Variants in KRT10 observed in about 807,000 individuals in gnomAD.
KRT10 encodes the protein keratin 10, also known as keratin, type I cytoskeletal 10.
Under a neutral mutation model 59.2 loss-of-function variants are expected in KRT10, and 40 were observed. The observed-to-expected ratio is 0.68, with a 90% CI of 0.52 to 0.88. The LOEUF (loss-of-function observed/expected upper bound fraction) is 0.88, where lower values mean the gene tolerates loss of function less well. KRT10 is among the 40% of genes least tolerant of loss of function. The pLI is 0.00. For synonymous variants in KRT10, 336 were observed against 310.7 expected (o/e 1.08, Z -0.86); for missense variants, 719 against 749.1 (o/e 0.96, Z 0.47).
intron 5 of KRT10, 79 bp downstream of exon 5, chr17:40,819,970 T>C: frequency 6.5e-7 from 1 of 1,539,132 alleles, no homozygotes; most frequent in East Asian, 2.2e-5. Context: ...TCTGCATTTT[T>C]TTGTTGCATT....
rs747237640 is a variant in KRT10 at position 40,818,843 on chromosome 17, T to C, written c.1692A>G (p.Gly564=). ...ACCCGGAAGAGGAGGACTTGTGGCCTCCGCTGGAGCTGCCGCCGCCGTATC... is the reference window on the plus strand; with the variant it reads ...ACCCGGAAGAGGAGGACTTGTGGCCCCCGCTGGAGCTGCCGCCGCCGTATC... ...GGGYGGGSSS[G]GHKSSSSGSV... The change falls in exon 7 of 8, where the codon GGA becomes GGG. Residue 564 remains glycine, a synonymous_variant. Coordinates refer to ENST00000269576, the MANE Select transcript of KRT10 (RefSeq NM_000421.5). The C allele has an allele frequency of 8.4e-7, 1 of 1,184,076 alleles. No individual in the cohort carries two copies. The highest frequency in any genetic ancestry group is 1.1e-6 in the Non-Finnish European group (1 of 891,428). The allele number at this position is 1,184,076 out of a possible 1,614,324, so 73.3% of individuals were successfully genotyped here. A position where few individuals can be genotyped will look rare whatever the true frequency, so the allele number is the denominator to read the frequency against.
Position 40,818,947 on chromosome 17 carries a change from A to G in KRT10, c.1588T>C (p.Tyr530His), listed in dbSNP as rs756380270. The change falls in exon 7 of 8, where the codon TAC becomes CAC. Residue 530 changes from tyrosine (Y) to histidine (H), a missense_variant. Physicochemically the swap from Tyr to His is moderately conservative, Grantham distance 83. This residue lies in a region of KRT10 where 315 missense variants were observed against 270.6 expected (regional missense o/e 1.16). Transcript: ENST00000269576. ...CCGCCGCCGGAACTGCCACCACCGT[A>G]GCCGCCGCTGGAACTGCCGCCGTGG... Reference protein sequence around the residue: ...GGHGGSSSGGYGGGSSGGGGG... With the variant: ...GGHGGSSSGGHGGGSSGGGGG... The G allele has an allele frequency of 4.7e-6, 6 of 1,269,874 alleles. No homozygotes were observed. In the South Asian group the frequency reaches 5.2e-5, roughly 11 times the overall value. 78.7% of individuals were successfully genotyped at this position (1,269,874 alleles called of 1,614,324 possible). A position where few individuals can be genotyped will look rare whatever the true frequency, so the allele number is the denominator to read the frequency against.
chr17:40,821,989 G>C lies in KRT10; in HGVS notation c.597C>G (p.Tyr199Ter). 1.2e-6 allele frequency: 2 copies of C among 1,614,076 alleles called. No homozygotes were observed. Among genetic ancestry groups the C allele is most frequent in the Non-Finnish European group, 1.7e-6 (2 of 1,179,978 alleles). Residue 199 changes from tyrosine to a stop codon, truncating the protein, a stop_gained, in exon 1 of 8, where the codon TAC (tyrosine) becomes TAG (stop). Coordinates refer to ENST00000269576, the MANE Select transcript of KRT10 (RefSeq NM_000421.5). LOFTEE classifies it high-confidence loss of function. Reference sequence around the variant, plus strand: ...TTTTAAGGTCATCGATGGTTTTGTAGTATTTGCTGTAGTCACGAGGCTCCC... The same window carrying C: ...TTTTAAGGTCATCGATGGTTTTGTACTATTTGCTGTAGTCACGAGGCTCCC... ...HQGEPRDYSK[Y>*]YKTIDDLKNQ...
intron 1 of KRT10, among the ~76,000 whole-genome samples, chr17:40,821,609 C>T (rs1022706936): frequency 2.6e-5 from 4 of 152,114 alleles, no homozygotes; most frequent in Non-Finnish European, 4.4e-5. Context: ...GGCTTGTTAT[C>T]AGTCTGAATA....
rs200567513 is a variant in KRT10 at position 40,822,424 on chromosome 17, A to G, written c.162T>C (p.Gly54=). ...GGGFSSGGFS[G]GSFSRGSSGG... ...CAGAGCTCCCACGGCTAAAAGAGCCACCACTGAACCCCCCTGAGCTAAATC... is the reference window on the plus strand; with the variant it reads ...CAGAGCTCCCACGGCTAAAAGAGCCGCCACTGAACCCCCCTGAGCTAAATC... Residue 54 remains glycine (G), a synonymous_variant, in exon 1 of 8, where the codon GGT becomes GGC. Transcript: ENST00000269576. The G allele has an allele frequency of 6.2e-7, 1 of 1,613,702 alleles. No individual in the cohort carries two copies. Among genetic ancestry groups the G allele is most frequent in the African/African-American group, 1.3e-5 (1 of 74,962 alleles).
Position 40,818,972 on chromosome 17 carries a change from G to A in KRT10, c.1563C>T (p.Gly521=), listed in dbSNP as rs1257753542. 2.8e-5 allele frequency: 39 copies of A among 1,379,010 alleles called. No homozygotes were observed. Among genetic ancestry groups the A allele is most frequent in the Non-Finnish European group, 2.8e-6 (3 of 1,067,266 alleles). 85.4% of individuals were successfully genotyped at this position (1,379,010 alleles called of 1,614,324 possible). Residue 521 remains glycine, a synonymous_variant, in exon 7 of 8, where the codon GGC becomes GGT. Transcript: ENST00000269576. Reference sequence around the variant, plus strand: ...AGCCGCCGCTGGAACTGCCGCCGTGGCCGCCGCTGGAGCTTCCGCCCCCGT... The same window carrying A: ...AGCCGCCGCTGGAACTGCCGCCGTGACCGCCGCTGGAGCTTCCGCCCCCGT... ...GGYGGGSSSG[G]HGGSSSGGYG...
chr17:40,819,818 A>G, intron 5 of KRT10, 84 bp from the exon 6 acceptor site: 1 of 1,234,890 alleles, frequency 8.1e-7, no homozygotes, highest in Admixed American at 1.8e-5. Flanking sequence ...GTAAGGCATT[A>G]TATAGAAGAA....
In KRT10 at chr17:40,818,365, C is replaced by T. The variant is rs1379499483; in HGVS notation, c.*111G>A. On this transcript the variant is annotated 3_prime_UTR_variant, in exon 8 of 8. Transcript: ENST00000269576. The stretch of plus-strand genomic sequence containing the variant: ...TCTGTGTGAAGGGAGACTCTTTCCT[C>T]TTGATGCAGTTTAATAGTAGTGTTT... 6.7e-7 allele frequency: 1 copy of T among 1,485,144 alleles called. No individual in the cohort carries two copies. Among genetic ancestry groups the T allele is most frequent in the Non-Finnish European group, 9.3e-7 (1 of 1,072,090 alleles). 92.0% of individuals were successfully genotyped at this position (1,485,144 alleles called of 1,614,324 possible).
rs1473827438 is a variant in KRT10 at position 40,818,430 on chromosome 17, G to A, written c.*46C>T. On this transcript the variant is annotated 3_prime_UTR_variant, in exon 8 of 8. Transcript: ENST00000269576. ...CAACCATAGATGAAAGAACTCTACC[G>A]TCGGGCGCCACCTCTTCAATAATTG... 6.2e-7 allele frequency: 1 copy of A among 1,612,968 alleles called. No individual in the cohort carries two copies. Among genetic ancestry groups the A allele is most frequent in the Non-Finnish European group, 8.5e-7 (1 of 1,179,174 alleles).
At position 40,822,025 on chromosome 17, in the gene KRT10, G is replaced by A. The variant is rs1905419806; in HGVS notation, c.561C>T (p.Asn187=). Residue 187 remains asparagine (N), a synonymous_variant, in exon 1 of 8, where the codon AAC becomes AAT. Coordinates refer to ENST00000269576, the MANE Select transcript of KRT10 (RefSeq NM_000421.5). ...AGTCACGAGGCTCCCCCTGATGTGA[G>A]TTGCCATGCTTTTCATACCACTCCT... ...KIKEWYEKHG[N]SHQGEPRDYS... 1.2e-6 allele frequency: 2 copies of A among 1,614,122 alleles called. No homozygotes were observed. The highest frequency in any genetic ancestry group is 1.7e-6 in the Non-Finnish European group (2 of 1,180,024).
In KRT10 at chr17:40,818,779, C is replaced by A. The variant is rs989564339; in HGVS notation, c.1748+8G>T. On this transcript the variant is annotated splice_region_variant and intron_variant, in intron 7 of 7. Transcript: ENST00000269576. ...TAATTCTGATTACCCCAGCTAGTTT[C>A]TGCTGACCTTGGTCCCTTAGATGAA... 4 of 1,579,440 alleles carry A rather than the reference C, an allele frequency of 2.5e-6. No individual in the cohort carries two copies. The highest frequency in any genetic ancestry group is 3.4e-6 in the Non-Finnish European group (4 of 1,170,446).
At chr17:40,819,196 A>G (rs1461191152) in intron 6 of KRT10, 35 bp from the exon 7 acceptor site, 2 of 1,594,914 alleles carry the variant, frequency 1.3e-6, no homozygotes, top group Admixed American at 3.4e-5. Flanking sequence ...GTTATCTCTA[A>G]CGTTGGAAAA....
At chr17:40,819,184 C>A (rs1463351743) in intron 6 of KRT10, 23 bp from the exon 7 acceptor site, 1 of 1,594,458 alleles carries the variant, frequency 6.3e-7, no homozygotes, top group African/African-American at 1.3e-5. Context: ...AGGTCACATT[C>A]GGTTATCTCT....
rs760129489 is a variant in KRT10, at chr17:40,818,797, T to C, written c.1738A>G (p.Lys580Glu). The C allele has an allele frequency of 3.9e-6, 6 of 1,538,924 alleles. No homozygotes were observed. The highest frequency in any genetic ancestry group is 5.2e-6 in the Non-Finnish European group (6 of 1,152,904). The change falls in exon 7 of 8, where the codon AAG becomes GAG. Residue 580 changes from lysine to glutamate, a missense_variant. Coordinates refer to ENST00000269576, the MANE Select transcript of KRT10 (RefSeq NM_000421.5). ...SSGSVGESSS[K>E]GPRY ...CTAGTTTCTGCTGACCTTGGTCCCT[T>C]AGATGAAGACTCGCCCACGGACCCG...
rs201343749 is a variant in KRT10 at position 40,819,117 on chromosome 17, T to G, written c.1418A>C (p.Tyr473Ser). The change falls in exon 7 of 8, where the codon TAC (tyrosine) becomes TCC (serine). Residue 473 changes from tyrosine (Y) to serine (S), a missense_variant. Coordinates refer to ENST00000269576, the MANE Select transcript of KRT10 (RefSeq NM_000421.5). The part of the protein sequence containing the change: ...GRGGGSFGGG[Y>S]GGGSSGGGSS... ...TCCGCCGCCGGAGCTTCCGCCGCCG[T>G]AGCCGCCGCCGAAACTTCCGCCGCC... 1,136 of 1,509,780 alleles carry G rather than the reference T, an allele frequency of 7.5e-4. 1 individual carries two copies. The highest frequency in any genetic ancestry group is 9.0e-4 in the Admixed American group (45 of 49,880). The allele number at this position is 1,509,780 out of a possible 1,614,324, so 93.5% of individuals were successfully genotyped here.
Position 40,818,905 on chromosome 17 carries a change from CCCCG to C in KRT10, c.1626_1629del (p.Tyr542Ter), listed in dbSNP as rs1905185353. 1 of 1,413,660 alleles carries C rather than the reference CCCCG, an allele frequency of 7.1e-7. No individual in the cohort carries two copies. Among genetic ancestry groups the C allele is most frequent in the Non-Finnish European group, 9.3e-7 (1 of 1,074,790 alleles). 87.6% of individuals were successfully genotyped at this position (1,413,660 alleles called of 1,614,324 possible). The stretch of plus-strand genomic sequence containing the variant: ...CTGCTGCCGCCGCCGGAGCTGCCGC[CCCCG>C]TAGCCGCCGCCGCCGCCGCCGGAAC... On this transcript the variant is annotated frameshift_variant, in exon 7 of 8. Coordinates refer to ENST00000269576, the MANE Select transcript of KRT10 (RefSeq NM_000421.5). LOFTEE classifies it high-confidence loss of function.
rs539015021 is a variant in KRT10 at position 40,820,705 on chromosome 17, T to C, written c.711-38A>G. 32 of 1,608,512 alleles carry C rather than the reference T, an allele frequency of 2.0e-5. No homozygotes were observed. The South Asian group carries it at 2.5e-4, about 13-fold the overall frequency. On this transcript the variant is annotated intron_variant, in intron 2 of 7. Transcript: ENST00000269576. ...TGATATCAATACTGGTTATAACTTA[T>C]ATAGGGGAGATGTATCTGGGCAGAG...
chr17:40,819,005 G>C lies in KRT10; in HGVS notation c.1530C>G (p.Gly510=). Residue 510 remains glycine, a synonymous_variant, in exon 7 of 8, where the codon GGC becomes GGG. Coordinates refer to ENST00000269576, the MANE Select transcript of KRT10 (RefSeq NM_000421.5). ...GGGSSGGGSS[G]GGYGGGSSSG... is the part of the protein sequence containing the mutation. The stretch of plus-strand genomic sequence containing the variant: ...TGGAGCTTCCGCCCCCGTAGCCGCC[G>C]CCGGAGCTTCCGCCGCCGGAGCTTC... 2 of 1,286,482 alleles carry C rather than the reference G, an allele frequency of 1.6e-6. No individual in the cohort carries two copies. The highest frequency in any genetic ancestry group is 1.0e-6 in the Non-Finnish European group (1 of 992,924). 79.7% of individuals were successfully genotyped at this position (1,286,482 alleles called of 1,614,324 possible).
chr17:40,819,791 G>A (rs570963053), intron 5 of KRT10, 57 bp from the exon 6 acceptor site: 2 of 1,416,822 alleles, frequency 1.4e-6, no homozygotes, highest in East Asian at 2.3e-5. Flanking sequence ...GTATGGTGAC[G>A]CTTATTTGAT....
Sources: allele counts gnomAD v4.1 joint callset (sites outside exome capture counted in the v4.1 genomes callset), GRCh38; gene constraint gnomAD v4.1.1; regional missense constraint gnomAD v4.1.1; transcripts MANE v1.5; gene names NCBI Gene and HGNC (gene_info 2026-07-23, HGNC 2026-07-21).